Variants in SMC1A observed in about 807,000 individuals in gnomAD.
The protein encoded by SMC1A is structural maintenance of chromosomes 1A, also known as structural maintenance of chromosomes protein 1A.
A neutral mutation model predicts 94.5 loss-of-function variants in SMC1A; 4 were observed. The ratio of observed to expected loss-of-function variants is 0.04; its 90% confidence interval spans 0.02 to 0.10. The LOEUF (loss-of-function observed/expected upper bound fraction) is 0.10. Ranked by LOEUF, SMC1A falls within the 10% of genes least tolerant of loss-of-function variation. The pLI is 1.00. For synonymous variants in SMC1A, 345 were observed against 347.7 expected (o/e 0.99, Z 0.09); for missense variants, 304 against 989.0 (o/e 0.31, Z 9.29).
At chrX:53,390,998 GA>G (rs2075626939) in intron 19 of SMC1A, among the ~76,000 whole-genome samples, 2 of 45,372 alleles carry the variant, frequency 4.4e-5, no homozygotes, top group Non-Finnish European at 8.2e-5. Flanking sequence ...AAAAAAAAAA[GA>G]AAAAGAAAAA....
chrX:53,419,900 C>T (rs1181704217), intron 1 of SMC1A, among the ~76,000 whole-genome samples: 2 of 110,533 alleles, frequency 1.8e-5, no homozygotes, highest in African/African-American at 6.6e-5. Flanking sequence ...CGAGGTCATG[C>T]CACTGCACTC....
Position 53,399,472 on chromosome X carries a change from T to C in SMC1A, c.2562+117A>G, listed in dbSNP as rs984126134. On this transcript the variant is annotated intron_variant, in intron 16 of 24. Coordinates refer to ENST00000322213, the MANE Select transcript of SMC1A (RefSeq NM_006306.4). The stretch of plus-strand genomic sequence containing the variant: ...TTTCCCGTTTAGGTCTTGGTATTTT[T>C]CTTATTGATTTAGATGAGAAATTTC... 4.9e-4 allele frequency: 348 copies of C among 712,415 alleles called. 1 individual carries two copies. The highest frequency in any genetic ancestry group is 7.1e-5 in the Non-Finnish European group (33 of 467,041). 58.7% of individuals were successfully genotyped at this position (712,415 alleles called of 1,213,427 possible).
chrX:53,407,437 G>A (rs1181435186), intron 9 of SMC1A, among the ~76,000 whole-genome samples: 1 of 112,639 alleles, frequency 8.9e-6, no homozygotes, highest in African/African-American at 3.2e-5. Flanking sequence ...CTTGCCTTAT[G>A]CATCCATCTG....
chrX:53,415,241 G>T, intron 1 of SMC1A, 72 bp from the exon 2 acceptor site: 1 of 905,037 alleles, frequency 1.1e-6, no homozygotes. Flanking sequence ...TAAAGATATT[G>T]AGATGAACAA....
At chrX:53,401,605 C>G (rs1556888900) in intron 15 of SMC1A, among the ~76,000 whole-genome samples, 1 of 111,352 alleles carries the variant, frequency 9.0e-6, no homozygotes, top group Non-Finnish European at 1.9e-5. Flanking sequence ...TACATTGCCA[C>G]CAATGTCCCA....
At position 53,379,763 on chromosome X, in the gene SMC1A, A is replaced by G. The variant is rs1466640167; in HGVS notation, c.*340T>C. The stretch of plus-strand genomic sequence containing the variant: ...CTCACATGCACACATGCGGATACAT[A>G]CATACACACATACATACCCACACAC... On this transcript the variant is annotated 3_prime_UTR_variant, in exon 25 of 25. Coordinates refer to ENST00000322213, the MANE Select transcript of SMC1A (RefSeq NM_006306.4). The G allele has an allele frequency of 3.0e-6, 1 of 331,832 alleles. No homozygotes were observed. Among genetic ancestry groups the G allele is most frequent in the Non-Finnish European group, 5.3e-6 (1 of 187,991 alleles). 27.3% of individuals were successfully genotyped at this position (331,832 alleles called of 1,213,427 possible). A position where few individuals can be genotyped will look rare whatever the true frequency, so the allele number is the denominator to read the frequency against.
intron 19 of SMC1A, among the ~76,000 whole-genome samples, chrX:53,391,371 C>T (rs1024594650): frequency 9.3e-5 from 10 of 107,878 alleles, no homozygotes; most frequent in African/African-American, 2.7e-4. Context: ...GTAATCCCAA[C>T]ACTTCAGGAG....
In SMC1A at chrX:53,415,108, C is replaced by G. The variant is rs2146606734; in HGVS notation, c.171G>C (p.Arg57=). 3.3e-6 allele frequency: 4 copies of G among 1,211,481 alleles called. No homozygotes were observed. Among genetic ancestry groups the G allele is most frequent in the Non-Finnish European group, 4.5e-6 (4 of 895,330 alleles). The part of the protein sequence containing the change: ...FVLGEKTSNL[R]VKTLRDLIHG... ...GGATCAGGTCCCGCAGGGTCTTTAC[C>G]CGCAGGTTGCTGGTTTTTTCACCTA... Residue 57 remains arginine (R), a synonymous_variant, in exon 2 of 25, where the codon CGG becomes CGC. Coordinates refer to ENST00000322213, the MANE Select transcript of SMC1A (RefSeq NM_006306.4).
chrX:53,412,143 G>A lies in SMC1A; in HGVS notation c.965C>T (p.Ala322Val). ...TTTACGCTTCTTGTAGTGCTTCTGA[G>A]CATTCTGCAGAGACTTCTTGGCTGC... ...LEAAKKSLQN[A>V]QKHYKKRKGD... The change falls in exon 6 of 25, where the codon GCT becomes GTT. Residue 322 changes from alanine (A) to valine (V), a missense_variant. Transcript: ENST00000322213. The A allele has an allele frequency of 8.3e-7, 1 of 1,211,443 alleles. No homozygotes were observed. The highest frequency in any genetic ancestry group is 1.1e-6 in the Non-Finnish European group (1 of 895,309).
chrX:53,399,237 CAAAAAAAG>C (rs1486988064), intron 16 of SMC1A, among the ~76,000 whole-genome samples: 2 of 110,811 alleles, frequency 1.8e-5, no homozygotes, highest in Non-Finnish European at 3.8e-5. Context: ...GACTCCATCT[CAAAAAAAG>C]AAAAAAAGAA....
chrX:53,414,119 A>C (rs1556890955), intron 3 of SMC1A, among the ~76,000 whole-genome samples: 3 of 110,791 alleles, frequency 2.7e-5, no homozygotes, highest in Non-Finnish European at 3.8e-5. Flanking sequence ...AACAAACAAA[A>C]AAAACAGAGA....
At chrX:53,402,665 T>A (rs1252147287) in intron 15 of SMC1A, among the ~76,000 whole-genome samples, 1 of 100,655 alleles carries the variant, frequency 9.9e-6, no homozygotes, top group South Asian at 4.7e-4. Context: ...GAGTTCGAGA[T>A]CAGTCTGGCC....
chrX:53,406,987 C>T (rs1009139247), intron 9 of SMC1A, among the ~76,000 whole-genome samples: 7 of 112,191 alleles, frequency 6.2e-5, no homozygotes, highest in Non-Finnish European at 1.3e-4. Context: ...CGTGAGCTAC[C>T]GCTCCCAGCA....
chrX:53,390,902 G>T (rs781904139), intron 19 of SMC1A, among the ~76,000 whole-genome samples: 10 of 85,327 alleles, frequency 1.2e-4, no homozygotes, highest in Non-Finnish European at 1.9e-4. Flanking sequence ...TGAGGCAGGA[G>T]AATGACGTGA....
At chrX:53,408,840 T>TAAAAAAAAAAAAAA (rs1295569888) in intron 9 of SMC1A, among the ~76,000 whole-genome samples, 10 of 67,058 alleles carry the variant, frequency 1.5e-4, no homozygotes, top group African/African-American at 2.3e-4. Context: ...GGTTGAAAAA[T>TAAAAAAAAAAAAAA]AAAAAAAAAA....
intron 9 of SMC1A, 34 bp downstream of exon 9, chrX:53,409,028 G>A (rs781868574): frequency 1.7e-6 from 2 of 1,168,714 alleles, no homozygotes; most frequent in South Asian, 3.6e-5. Context: ...GTGAGTGTAA[G>A]TGCTCAGGAA....
chrX:53,408,998 G>T lies in SMC1A; in HGVS notation c.1545+64C>A, dbSNP rs1348937455. ...TTGGCAACCCTGTCCTTACAGGGCT[G>T]CTGGGAAAATCGTGTGACAGTGAGT... On this transcript the variant is annotated intron_variant, in intron 9 of 24. Transcript: ENST00000322213. The T allele has an allele frequency of 2.8e-6, 3 of 1,075,613 alleles. No individual in the cohort carries two copies. In the African/African-American group the frequency reaches 5.5e-5, roughly 20 times the overall value. 88.6% of individuals were successfully genotyped at this position (1,075,613 alleles called of 1,213,427 possible). A position where few individuals can be genotyped will look rare whatever the true frequency, so the allele number is the denominator to read the frequency against.
At chrX:53,413,638 T>C (rs782193743) in intron 3 of SMC1A, among the ~76,000 whole-genome samples, 4 of 111,587 alleles carry the variant, frequency 3.6e-5, no homozygotes, top group African/African-American at 6.5e-5. Context: ...CAAAGTGTTA[T>C]GTGCAGTAAC....
chrX:53,387,287 G>A (rs782496266), intron 19 of SMC1A, among the ~76,000 whole-genome samples: 1 of 112,045 alleles, frequency 8.9e-6, no homozygotes, highest in Non-Finnish European at 1.9e-5. Flanking sequence ...GAGCCACTGC[G>A]CCTGGCCCTT....
Sources: allele counts gnomAD v4.1 joint callset (sites outside exome capture counted in the v4.1 genomes callset), GRCh38; gene constraint gnomAD v4.1.1; transcripts MANE v1.5; gene names NCBI Gene and HGNC (gene_info 2026-07-23, HGNC 2026-07-21).